PPFIA2: variants seen among roughly 807,000 people sequenced by gnomAD.
The protein encoded by PPFIA2 is liprin-alpha-2.
Under a neutral mutation model 175.5 loss-of-function variants are expected in PPFIA2, and 46 were observed. That is an observed-to-expected ratio of 0.26 (90% CI 0.21 to 0.34). PPFIA2 has a LOEUF of 0.34. PPFIA2 is among the 10% of genes least tolerant of loss of function. The probability of loss-of-function intolerance (pLI) is 1.00; values close to 1 mark genes in which losing one functional copy is unlikely to be tolerated. For synonymous variants in PPFIA2, 568 were observed against 511.4 expected (o/e 1.11, Z -1.49); for missense variants, 1,179 against 1,506.1 (o/e 0.78, Z 3.60).
intron 4 of PPFIA2, among the ~76,000 whole-genome samples, chr12:81,575,574 G>A (rs1229861533): frequency 6.6e-6 from 1 of 151,566 alleles, no homozygotes. Context: ...AAGATATATG[G>A]GCTCTGCTCT....
At chr12:81,550,285 T>C (rs1465738052) in intron 4 of PPFIA2, among the ~76,000 whole-genome samples, 1 of 151,898 alleles carries the variant, frequency 6.6e-6, no homozygotes, top group Non-Finnish European at 1.5e-5. Context: ...CAGATTCACA[T>C]AGAAGGAAAC....
intron 24 of PPFIA2, among the ~76,000 whole-genome samples, chr12:81,290,789 G>A (rs1027890015): frequency 2.0e-5 from 3 of 151,668 alleles, no homozygotes; most frequent in South Asian, 2.1e-4. Context: ...TATGCATTCC[G>A]TATACACAAA....
intron 4 of PPFIA2, among the ~76,000 whole-genome samples, chr12:81,585,244 G>A (rs1404640906): frequency 1.3e-5 from 2 of 149,954 alleles, no homozygotes; most frequent in South Asian, 2.1e-4. Context: ...GGACATTACT[G>A]TACACTACTG....
chr12:81,572,836 T>G (rs1254900434), intron 4 of PPFIA2, among the ~76,000 whole-genome samples: 2 of 151,982 alleles, frequency 1.3e-5, no homozygotes, highest in Admixed American at 1.3e-4. Flanking sequence ...TGTTTGTGTG[T>G]GTGTGTGTTC....
At chr12:81,690,601 A>T (rs2075121397) in intron 3 of PPFIA2, among the ~76,000 whole-genome samples, 1 of 152,114 alleles carries the variant, frequency 6.6e-6, no homozygotes, top group Non-Finnish European at 1.5e-5. Context: ...ACTGCTAGAA[A>T]AGTAAAGCAA....
intron 5 of PPFIA2, among the ~76,000 whole-genome samples, chr12:81,447,369 C>A (rs983743325): frequency 1.3e-5 from 2 of 152,116 alleles, no homozygotes; most frequent in Non-Finnish European, 2.9e-5. Context: ...CTTTCGCTGG[C>A]AAACTATGTT....
chr12:81,470,687 A>G (rs2056573857), intron 4 of PPFIA2, among the ~76,000 whole-genome samples: 1 of 152,208 alleles, frequency 6.6e-6, no homozygotes, highest in African/African-American at 2.4e-5. Flanking sequence ...ACAGTGGAGG[A>G]ATGAATTTTT....
intron 22 of PPFIA2, among the ~76,000 whole-genome samples, chr12:81,322,641 T>C (rs950351387): frequency 5.3e-5 from 8 of 152,136 alleles, no homozygotes; most frequent in African/African-American, 1.7e-4. Context: ...ATTTATGGAA[T>C]TGATGCTTTA....
intron 7 of PPFIA2, among the ~76,000 whole-genome samples, chr12:81,437,187 T>C (rs1237345569): frequency 6.6e-6 from 1 of 152,182 alleles, no homozygotes; most frequent in Admixed American, 6.5e-5. Flanking sequence ...TTCAATTTTA[T>C]GTATAATTGA....
rs113127138 is a variant in PPFIA2, at chr12:81,298,971, C to A, written c.2724+330G>T. 2.7e-3 allele frequency among the ~76,000 whole-genome samples: 405 copies of A among 152,158 alleles called. 7 individuals carry two copies. Among genetic ancestry groups the A allele is most frequent in the African/African-American group, 9.4e-3 (391 of 41,522 alleles). On this transcript the variant is annotated intron_variant, in intron 23 of 32. Transcript: ENST00000549396. Reference sequence around the variant, plus strand: ...AATATGGAGAGGGTCTTCTCTGTAACCTGCTAATGAGGAAGGGCCCTGGCC... The same window carrying A: ...AATATGGAGAGGGTCTTCTCTGTAAACTGCTAATGAGGAAGGGCCCTGGCC...
chr12:81,442,927 A>G (rs1202714124), intron 6 of PPFIA2, among the ~76,000 whole-genome samples: 2 of 130,932 alleles, frequency 1.5e-5, no homozygotes, highest in African/African-American at 2.9e-5. Context: ...ATCTATATCC[A>G]CATCCCTCCT....
intron 11 of PPFIA2, among the ~76,000 whole-genome samples, chr12:81,373,461 A>G (rs2035655164): frequency 6.6e-6 from 1 of 151,962 alleles, no homozygotes; most frequent in South Asian, 2.1e-4. Flanking sequence ...TATCTTAGAA[A>G]TCACATATTC....
intron 22 of PPFIA2, among the ~76,000 whole-genome samples, chr12:81,316,850 G>A (rs1041204831): frequency 6.6e-6 from 1 of 151,532 alleles, no homozygotes; most frequent in African/African-American, 2.4e-5. Context: ...AAGTGCAGTT[G>A]AGATTGGACT....
chr12:81,343,007 A>G (rs923087183), intron 19 of PPFIA2, among the ~76,000 whole-genome samples: 30 of 151,810 alleles, frequency 2.0e-4, no homozygotes, highest in African/African-American at 7.0e-4. Context: ...TCCTCTGAAT[A>G]TCACTTAGAG....
At chr12:81,386,788 G>T (rs761252228) in intron 8 of PPFIA2, among the ~76,000 whole-genome samples, 1 of 152,002 alleles carries the variant, frequency 6.6e-6, no homozygotes, top group Non-Finnish European at 1.5e-5. Flanking sequence ...AATACAGAAA[G>T]TACAGTCATT....
chr12:81,633,174 C>T (rs1338862509), intron 4 of PPFIA2, among the ~76,000 whole-genome samples: 2 of 152,030 alleles, frequency 1.3e-5, no homozygotes, highest in African/African-American at 2.4e-5. Flanking sequence ...ATTTTTATTA[C>T]AATGTCCTTC....
chr12:81,456,313 A>G (rs1218884370), intron 5 of PPFIA2, among the ~76,000 whole-genome samples: 1 of 152,212 alleles, frequency 6.6e-6, no homozygotes, highest in African/African-American at 2.4e-5. Context: ...TGCCCTTGTT[A>G]TGCCCTGTTT....
At chr12:81,480,827 G>A (rs528195702) in intron 4 of PPFIA2, among the ~76,000 whole-genome samples, 53 of 152,192 alleles carry the variant, frequency 3.5e-4, no homozygotes, top group Admixed American at 9.2e-4. Context: ...CCAGAGCTCA[G>A]CTGTATGAGG....
intron 14 of PPFIA2, among the ~76,000 whole-genome samples, chr12:81,364,595 A>G (rs1187654852): frequency 1.3e-5 from 2 of 151,496 alleles, no homozygotes; most frequent in Non-Finnish European, 2.9e-5. Context: ...GGGTCTTGCT[A>G]TGTTTCCTGG....
Sources: gnomAD v4.1 joint callset for allele counts (sites outside exome capture counted in the v4.1 genomes callset) on GRCh38, gnomAD v4.1.1 for gene constraint, MANE v1.5 for transcripts, NCBI Gene and HGNC (gene_info 2026-07-23, HGNC 2026-07-21) for gene names.